The following SLC13A5 variants were observed in gnomAD, a reference collection of about 807,000 sequenced individuals.
SLC13A5 encodes the protein Na(+)/citrate cotransporter.
In SLC13A5, 25 loss-of-function variants were observed where a neutral mutation model predicts 56.5. That is an observed-to-expected ratio of 0.44 (90% confidence interval 0.32 to 0.62). The LOEUF (loss-of-function observed/expected upper bound fraction) is 0.62, where lower values mean the gene tolerates loss of function less well. SLC13A5 is among the 20% of genes least tolerant of loss of function. The pLI is 0.04. For missense variants in SLC13A5, 649 were observed against 737.8 expected (o/e 0.88, Z 1.39); for synonymous variants, 307 against 301.5 (o/e 1.02, Z -0.19).
In SLC13A5 at chr17:6,686,732, C is replaced by G. The variant is rs148285983; in HGVS notation, c.1576-394G>C. On this transcript the variant is annotated intron_variant, in intron 11 of 11. Coordinates refer to ENST00000433363, the MANE Select transcript of SLC13A5 (RefSeq NM_177550.5). Reference sequence around the variant, plus strand: ...GCTTCCCTGTGGACCTCCTCAGGCTCTTTCTGATGCCTGCTCTGCAAGCTT... The same window carrying G: ...GCTTCCCTGTGGACCTCCTCAGGCTGTTTCTGATGCCTGCTCTGCAAGCTT... 3.5e-5 allele frequency: 7 copies of G among 198,132 alleles called. No individual in the cohort carries two copies. In the East Asian group the frequency reaches 8.1e-4, roughly 23 times the overall value. 12.3% of individuals were successfully genotyped at this position (198,132 alleles called of 1,614,324 possible). A position where few individuals can be genotyped will look rare whatever the true frequency, so the allele number is the denominator to read the frequency against.
At chr17:6,710,762 C>CTGTGTGTG (rs111949694) in intron 1 of SLC13A5, among the ~76,000 whole-genome samples, 6,114 of 148,396 alleles carry the variant, frequency 0.041, 336 homozygotes, top group African/African-American at 0.12. Flanking sequence ...GCAAAACCTA[C>CTGTGTGTG]TGTGTGTGTG....
chr17:6,703,795 G>A, intron 4 of SLC13A5, 83 bp downstream of exon 4: 1 of 1,401,470 alleles, frequency 7.1e-7, no homozygotes, highest in Non-Finnish European at 9.5e-7. Context: ...CAGACAGGGA[G>A]AAGGAGGTGG....
intron 1 of SLC13A5, among the ~76,000 whole-genome samples, chr17:6,710,442 A>T (rs1220767945): frequency 6.6e-6 from 1 of 152,168 alleles, no homozygotes; most frequent in Non-Finnish European, 1.5e-5. Flanking sequence ...AGTCCTCGGT[A>T]ACTTTTGATT....
At chr17:6,694,707 C>A (rs958582094) in intron 7 of SLC13A5, among the ~76,000 whole-genome samples, 1 of 152,144 alleles carries the variant, frequency 6.6e-6, no homozygotes, top group African/African-American at 2.4e-5. Context: ...TGATCCTAAG[C>A]AGTTTACTTC....
intron 9 of SLC13A5, 31 bp downstream of exon 9, chr17:6,693,013 G>A (rs767776736): frequency 3.9e-6 from 6 of 1,557,118 alleles, no homozygotes; most frequent in Middle Eastern, 1.7e-4. Context: ...GAAGAAGAGG[G>A]CTCTGGGCAG....
intron 1 of SLC13A5, among the ~76,000 whole-genome samples, chr17:6,709,244 C>CTTATTTAT (rs60433016): frequency 1.7e-4 from 25 of 151,020 alleles, no homozygotes; most frequent in South Asian, 4.2e-4. Context: ...CAAATTCTTG[C>CTTATTTAT]TTATTTATTT....
chr17:6,707,475 G>A (rs144688323), intron 1 of SLC13A5, among the ~76,000 whole-genome samples: 62 of 151,862 alleles, frequency 4.1e-4, no homozygotes, highest in Admixed American at 8.5e-4. Flanking sequence ...ATCAAGAATA[G>A]GACAAGGAAG....
intron 1 of SLC13A5, among the ~76,000 whole-genome samples, chr17:6,708,219 C>G (rs1376984331): frequency 6.6e-6 from 1 of 152,230 alleles, no homozygotes; most frequent in Non-Finnish European, 1.5e-5. Flanking sequence ...CCGCCCACCT[C>G]AGCACCCTAA....
At chr17:6,708,689 C>T (rs773171677) in intron 1 of SLC13A5, among the ~76,000 whole-genome samples, 17 of 152,218 alleles carry the variant, frequency 1.1e-4, no homozygotes, top group Non-Finnish European at 1.9e-4. Flanking sequence ...TACCCAGTTA[C>T]AGCAGGTCAG....
chr17:6,709,600 G>T (rs1243480595), intron 1 of SLC13A5, among the ~76,000 whole-genome samples: 1 of 152,094 alleles, frequency 6.6e-6, no homozygotes, highest in Non-Finnish European at 1.5e-5. Flanking sequence ...GGAATCAATA[G>T]CATTCATCTG....
At position 6,710,391 on chromosome 17, in the gene SLC13A5, C is replaced by T. The variant is rs539635901; in HGVS notation, c.102+2841G>A. On this transcript the variant is annotated intron_variant, in intron 1 of 11. Coordinates refer to ENST00000433363, the MANE Select transcript of SLC13A5 (RefSeq NM_177550.5). Reference sequence around the variant, plus strand: ...TTGTTTCATGTCTTCATCTGCAAATCGTGGATTTAAGAGTGCTCATTCTTC... The same window carrying T: ...TTGTTTCATGTCTTCATCTGCAAATTGTGGATTTAAGAGTGCTCATTCTTC... Among the ~76,000 whole-genome samples, 8 of 152,322 alleles carry T rather than the reference C, an allele frequency of 5.3e-5. No homozygotes were observed. In the South Asian group the frequency reaches 1.7e-3, roughly 32 times the overall value.
chr17:6,703,118 C>T lies in SLC13A5; in HGVS notation c.568G>A (p.Gly190Ser), dbSNP rs1973761446. Residue 190 changes from glycine to serine, a missense_variant, in exon 5 of 12, where the codon GGC (glycine) becomes AGC (serine). Physicochemically the swap from Gly to Ser is moderately conservative, Grantham distance 56. Transcript: ENST00000433363. Reference sequence around the variant, plus strand: ...TCTTCCTGCTGCCCCAGAGTGGGGCCTTCAAAAATCACTTGACTCCCTGTG... The same window carrying T: ...TCTTCCTGCTGCCCCAGAGTGGGGCTTTCAAAAATCACTTGACTCCCTGTG... Reference protein sequence around the residue: ...ELPGSQVIFEGPTLGQQEDQE... With the variant: ...ELPGSQVIFESPTLGQQEDQE... The T allele has an allele frequency of 1.2e-6, 2 of 1,614,128 alleles. No individual in the cohort carries two copies. The highest frequency in any genetic ancestry group is 8.5e-7 in the Non-Finnish European group (1 of 1,180,034).
rs559124726 is a variant in SLC13A5 at position 6,685,188 on chromosome 17, G to C, written c.*1019C>G. 1 of 152,262 alleles carries C rather than the reference G, an allele frequency of 6.6e-6. No individual in the cohort carries two copies. Among genetic ancestry groups the C allele is most frequent in the African/African-American group, 2.4e-5 (1 of 41,446 alleles). The allele number at this position is 152,262 out of a possible 1,614,324, so 9.4% of individuals were successfully genotyped here. On this transcript the variant is annotated 3_prime_UTR_variant, in exon 12 of 12. Coordinates refer to ENST00000433363, the MANE Select transcript of SLC13A5 (RefSeq NM_177550.5). This position sits in a 1 kb window ranked among gnomAD's most constrained non-coding sequence, Gnocchi z 4.2. ...AGATTTTACCCAGAGGAGCTCAAAC[G>C]CTGGCATGAAAGACTCTGAAGTGGC...
chr17:6,706,224 G>A (rs1018751767), intron 3 of SLC13A5, among the ~76,000 whole-genome samples: 2 of 152,184 alleles, frequency 1.3e-5, no homozygotes, highest in African/African-American at 4.8e-5. Flanking sequence ...GGGAATAGAT[G>A]CTCCAGCTTG....
Position 6,687,472 on chromosome 17 carries a change from T to C in SLC13A5, c.1575+57A>G, listed in dbSNP as rs771146137. On this transcript the variant is annotated intron_variant, in intron 11 of 11. Coordinates refer to ENST00000433363, the MANE Select transcript of SLC13A5 (RefSeq NM_177550.5). The surrounding 1 kb of genome is among the most constrained non-coding windows in gnomAD (Gnocchi z 5.0). Reference sequence around the variant, plus strand: ...AACTCTGTCATTCATAAATGGGGCATCCCTTATGACAACAGCGTTATAGTC... The same window carrying C: ...AACTCTGTCATTCATAAATGGGGCACCCCTTATGACAACAGCGTTATAGTC... The C allele has an allele frequency of 8.8e-6, 14 of 1,599,416 alleles. No homozygotes were observed. The Admixed American group carries it at 2.1e-4, about 24-fold the overall frequency.
At chr17:6,691,429 G>A (rs2150965310) in intron 9 of SLC13A5, among the ~76,000 whole-genome samples, 1 of 152,276 alleles carries the variant, frequency 6.6e-6, no homozygotes, top group South Asian at 2.1e-4. Context: ...CCACAGTTTT[G>A]GAAGCTCAGG....
Position 6,685,482 on chromosome 17 carries a change from T to A in SLC13A5, c.*725A>T, listed in dbSNP as rs1344686275. 1.3e-5 allele frequency: 2 copies of A among 152,390 alleles called. No individual in the cohort carries two copies. The highest frequency in any genetic ancestry group is 4.8e-5 in the African/African-American group (2 of 41,416). 9.4% of individuals were successfully genotyped at this position (152,390 alleles called of 1,614,324 possible). On this transcript the variant is annotated 3_prime_UTR_variant, in exon 12 of 12. Transcript: ENST00000433363. The surrounding 1 kb of genome is among the most constrained non-coding windows in gnomAD (Gnocchi z 4.2). ...AGTTGAAGGAGGCTCACTGGAGAGGTGGGACAGGGGGCCAGTCGATTAAAA... is the reference window on the plus strand; with the variant it reads ...AGTTGAAGGAGGCTCACTGGAGAGGAGGGACAGGGGGCCAGTCGATTAAAA...
rs1567622972 is a variant in SLC13A5 at position 6,703,980 on chromosome 17, C to A, written c.445G>T (p.Val149Leu). ...ISNTATTAMM[V>L]PIVEAILQQM... ...TGCAATATGGCCTCCACGATGGGCA[C>A]CATCATGGCCGTGGTTGCCGTGTTA... Residue 149 changes from valine to leucine, a missense_variant, in exon 4 of 12, where the codon GTG becomes TTG. Transcript: ENST00000433363. The A allele has an allele frequency of 6.2e-7, 1 of 1,613,096 alleles. No homozygotes were observed. Among genetic ancestry groups the A allele is most frequent in the Non-Finnish European group, 8.5e-7 (1 of 1,179,536 alleles).
chr17:6,704,442 C>T, intron 3 of SLC13A5: 1 of 358,124 alleles, frequency 2.8e-6, no homozygotes, highest in Non-Finnish European at 5.6e-6. Context: ...TGCTGGAATA[C>T]CCCTATGTGC....
Sources: allele counts gnomAD v4.1 joint callset (sites outside exome capture counted in the v4.1 genomes callset), GRCh38; gene constraint gnomAD v4.1.1; non-coding constraint Gnocchi (gnomAD v3.1); transcripts MANE v1.5; gene names NCBI Gene and HGNC (gene_info 2026-07-23, HGNC 2026-07-21).